RAP1GAP2: variants seen among roughly 807,000 people sequenced by gnomAD.
The protein encoded by RAP1GAP2 is RAP1 GTPase activating protein 2.
RAP1GAP2 carries 27 observed loss-of-function variants against 95.0 expected under a neutral mutation model. That is an observed-to-expected ratio of 0.28 (90% CI 0.21 to 0.39). RAP1GAP2 has a LOEUF of 0.39. Among genes scored for constraint, RAP1GAP2 ranks in the 10% least tolerant of loss-of-function variants. The pLI, the probability that RAP1GAP2 is intolerant of heterozygous loss-of-function variation, is 1.00. For synonymous variants in RAP1GAP2, 373 were observed against 380.9 expected, an observed-to-expected ratio of 0.98 and a Z score of 0.24; for missense variants, 771 against 970.0, an observed-to-expected ratio of 0.79 and a Z score of 2.72.
chr17:2,791,830 G>A (rs2068932640), upstream of RAP1GAP2, among the ~76,000 whole-genome samples: 1 of 151,258 alleles, frequency 6.6e-6, no homozygotes, highest in Non-Finnish European at 1.5e-5. Flanking sequence ...GGCTGGGCCT[G>A]CTTCACAGAC....
intron 3 of RAP1GAP2, among the ~76,000 whole-genome samples, chr17:2,915,005 T>A (rs1046676270): frequency 5.9e-5 from 9 of 151,582 alleles, no homozygotes; most frequent in African/African-American, 2.2e-4. Context: ...TTGGCCAGGC[T>A]GGTCTTGAAC....
At chr17:2,868,248 T>A (rs781287980) in intron 2 of RAP1GAP2, among the ~76,000 whole-genome samples, 5 of 152,148 alleles carry the variant, frequency 3.3e-5, no homozygotes, top group Non-Finnish European at 5.9e-5. Context: ...GGGCTGGCTC[T>A]CTGCTATCCA....
intron 3 of RAP1GAP2, among the ~76,000 whole-genome samples, chr17:2,949,254 G>C (rs1386840907): frequency 1.3e-5 from 2 of 152,214 alleles, no homozygotes; most frequent in African/African-American, 4.8e-5. Context: ...ACATTAGACA[G>C]CTGCATGGAC....
Position 2,847,410 on chromosome 17 carries a change from G to T in RAP1GAP2, c.80+46860G>T, listed in dbSNP as rs183771477. Among the ~76,000 whole-genome samples, 56 of 150,578 alleles carry T rather than the reference G, an allele frequency of 3.7e-4. 1 individual carries two copies. The East Asian group carries it at 8.4e-3, about 22-fold the overall frequency. ...CAGCAAGCAAGGAAGCAAACAAAAA[G>T]TCTTGCTACCCAAAGCCCTAGTCGC... On this transcript the variant is annotated intron_variant, in intron 2 of 24. Transcript: ENST00000254695.
At chr17:2,805,000 T>TTGAG (rs1224301554) in intron 2 of RAP1GAP2, among the ~76,000 whole-genome samples, 1 of 152,220 alleles carries the variant, frequency 6.6e-6, no homozygotes, top group African/African-American at 2.4e-5. Context: ...GCGCTCGCTG[T>TTGAG]TGAGTGAGTG....
intron 8 of RAP1GAP2, among the ~76,000 whole-genome samples, chr17:2,968,747 G>A (rs1035118813): frequency 2.9e-4 from 44 of 152,148 alleles, no homozygotes; most frequent in African/African-American, 9.9e-4. Flanking sequence ...AAAGATTCTC[G>A]ATTTGGGTCA....
At chr17:2,812,088 C>T (rs140490822) in intron 2 of RAP1GAP2, among the ~76,000 whole-genome samples, 1 of 152,278 alleles carries the variant, frequency 6.6e-6, no homozygotes, top group East Asian at 1.9e-4. Context: ...CCGCAGCCTA[C>T]CCTGCAGACC....
At chr17:2,891,918 G>A (rs953232211) in intron 2 of RAP1GAP2, among the ~76,000 whole-genome samples, 1 of 138,724 alleles carries the variant, frequency 7.2e-6, no homozygotes, top group Non-Finnish European at 1.5e-5. Context: ...CTGCCTCCTC[G>A]GTTCAAGCGA....
intron 2 of RAP1GAP2, among the ~76,000 whole-genome samples, chr17:2,771,009 T>A (rs1456774448): frequency 6.6e-6 from 1 of 152,102 alleles, no homozygotes; most frequent in African/African-American, 2.4e-5. Context: ...GTTGAACCAC[T>A]GCACTCCAGC....
In RAP1GAP2 at chr17:2,963,724, C is replaced by A; in HGVS notation, c.280-132C>A. 1 of 879,976 alleles carries A rather than the reference C, an allele frequency of 1.1e-6. No homozygotes were observed. Among genetic ancestry groups the A allele is most frequent in the Non-Finnish European group, 1.7e-6 (1 of 581,406 alleles). The allele number at this position is 879,976 out of a possible 1,614,324, so 54.5% of individuals were successfully genotyped here. On this transcript the variant is annotated intron_variant, in intron 6 of 24. Coordinates refer to ENST00000254695, the MANE Select transcript of RAP1GAP2 (RefSeq NM_015085.5). The surrounding 1 kb of genome is among the most constrained non-coding windows in gnomAD (Gnocchi z 4.8). ...TGGGGCTTGGAGGAGGGGTTCATGT[C>A]ACTGCCTTTGGCCTCAAGTACCAGT... is the stretch of plus-strand genomic sequence containing the variant.
rs2046292837 is a variant in RAP1GAP2 at position 3,005,084 on chromosome 17, G to A, written c.1201-285G>A. Among the ~76,000 whole-genome samples the A allele has an allele frequency of 1.3e-5, 2 of 152,136 alleles. No homozygotes were observed. The highest frequency in any genetic ancestry group is 2.9e-5 in the Non-Finnish European group (2 of 68,028). ...ACGAGATGCCATCTCCCGGGCACTT[G>A]TATGGCATTAAAATTAGGGTCCCAG... On this transcript the variant is annotated intron_variant, in intron 14 of 24. Transcript: ENST00000254695. This position sits in a 1 kb window ranked among gnomAD's most constrained non-coding sequence, Gnocchi z 5.2.
At chr17:2,972,789 A>G (rs1391796646) in intron 8 of RAP1GAP2, among the ~76,000 whole-genome samples, 2 of 152,176 alleles carry the variant, frequency 1.3e-5, no homozygotes, top group African/African-American at 2.4e-5. Flanking sequence ...TTATTTTACC[A>G]ATGCAGGATG....
intron 3 of RAP1GAP2, among the ~76,000 whole-genome samples, chr17:2,955,266 A>G (rs2044067728): frequency 6.6e-6 from 1 of 152,080 alleles, no homozygotes; most frequent in Non-Finnish European, 1.5e-5. Flanking sequence ...GAGGGATCTG[A>G]TTTCTCCACA....
intron 3 of RAP1GAP2, among the ~76,000 whole-genome samples, chr17:2,928,857 C>G (rs1319596917): frequency 6.6e-6 from 1 of 152,086 alleles, no homozygotes; most frequent in African/African-American, 2.4e-5. Flanking sequence ...CAGCCTCATG[C>G]AGACTATCAT....
intron 2 of RAP1GAP2, among the ~76,000 whole-genome samples, chr17:2,888,003 A>G (rs1239761089): frequency 6.6e-6 from 1 of 152,206 alleles, no homozygotes; most frequent in Admixed American, 6.5e-5. Context: ...CTGTGTCCAG[A>G]CAAGAAGCCC....
At position 2,857,581 on chromosome 17, in the gene RAP1GAP2, A is replaced by G. The variant is rs888907631; in HGVS notation, c.81-47703A>G. Among the ~76,000 whole-genome samples the G allele has an allele frequency of 1.3e-5, 2 of 152,178 alleles. No homozygotes were observed. Among genetic ancestry groups the G allele is most frequent in the Non-Finnish European group, 2.9e-5 (2 of 68,028 alleles). The stretch of plus-strand genomic sequence containing the variant: ...GCCCATCTTTCAGGGTTTCTGGCAC[A>G]TGGGATCCTGTAAAAGCAGTGGCGT... On this transcript the variant is annotated intron_variant, in intron 2 of 24. Coordinates refer to ENST00000254695, the MANE Select transcript of RAP1GAP2 (RefSeq NM_015085.5). The surrounding 1 kb of genome is among the most constrained non-coding windows in gnomAD (Gnocchi z 4.0).
At chr17:2,934,652 A>G (rs150806540) in intron 3 of RAP1GAP2, among the ~76,000 whole-genome samples, 60 of 152,340 alleles carry the variant, frequency 3.9e-4, no homozygotes, top group African/African-American at 1.4e-3. Flanking sequence ...TGCTTCGAAG[A>G]CACTTTCTTC....
At chr17:2,931,635 A>C (rs909339649) in intron 3 of RAP1GAP2, among the ~76,000 whole-genome samples, 10 of 152,316 alleles carry the variant, frequency 6.6e-5, no homozygotes, top group African/African-American at 2.4e-4. Flanking sequence ...GTTCATGTAT[A>C]ATTAGGCTGT....
chr17:2,925,826 G>A (rs1445123049), intron 3 of RAP1GAP2, among the ~76,000 whole-genome samples: 1 of 152,142 alleles, frequency 6.6e-6, no homozygotes, highest in Non-Finnish European at 1.5e-5. Context: ...TCCAGTCAGC[G>A]TGGGTCCGGG....
Sources: gnomAD v4.1 joint callset for allele counts (sites outside exome capture counted in the v4.1 genomes callset) on GRCh38, gnomAD v4.1.1 for gene constraint, Gnocchi (gnomAD v3.1) non-coding constraint, MANE v1.5 for transcripts, NCBI Gene and HGNC (gene_info 2026-07-23, HGNC 2026-07-21) for gene names.